KIAA1217: variants seen among roughly 807,000 people sequenced by gnomAD.
The protein encoded by KIAA1217 is sickle tail protein homolog.
Under a neutral mutation model 163.9 loss-of-function variants are expected in KIAA1217, and 88 were observed. The observed-to-expected ratio is 0.54, with a 90% CI of 0.45 to 0.64. The LOEUF is 0.64. Among genes scored for constraint, KIAA1217 ranks in the 30% least tolerant of loss-of-function variants. KIAA1217 has a pLI of 0.00. For missense variants in KIAA1217, 2,372 were observed against 2,475.0 expected (o/e 0.96, Z 0.88); for synonymous variants, 903 against 923.1 (o/e 0.98, Z 0.39).
chr10:24,484,853 C>T (rs1461472041), intron 6 of KIAA1217, among the ~76,000 whole-genome samples: 6 of 152,164 alleles, frequency 3.9e-5, no homozygotes, highest in East Asian at 1.9e-4. Flanking sequence ...GCCAGCCCTT[C>T]GGATCTGAGG....
rs1487177023 is a variant in KIAA1217 at position 23,930,938 on chromosome 10, T to C, written c.-320-76287T>C. 3.3e-5 allele frequency among the ~76,000 whole-genome samples: 5 copies of C among 152,186 alleles called. No individual in the cohort carries two copies. The East Asian group carries it at 5.8e-4, about 18-fold the overall frequency. ...GGTCTCCTGAAGATACACCCAATTA[T>C]ACAGGAGTTCTAGTTCATTGTCTTT... On this transcript the variant is annotated intron_variant, in intron 1 of 18. Transcript: ENST00000376462.
intron 2 of KIAA1217, among the ~76,000 whole-genome samples, chr10:24,364,274 C>T (rs2050449292): frequency 1.3e-5 from 2 of 152,186 alleles, no homozygotes; most frequent in Non-Finnish European, 2.9e-5. Flanking sequence ...CCACCGCACC[C>T]AGCCACCCGC....
At chr10:24,360,380 G>GTTA (rs987630080) in intron 2 of KIAA1217, among the ~76,000 whole-genome samples, 17 of 152,114 alleles carry the variant, frequency 1.1e-4, no homozygotes, top group African/African-American at 4.1e-4. Flanking sequence ...GTTTGGTCTT[G>GTTA]TTATATTCTT....
intron 2 of KIAA1217, among the ~76,000 whole-genome samples, chr10:24,069,771 C>T (rs2061112090): frequency 6.6e-6 from 1 of 152,170 alleles, no homozygotes; most frequent in African/African-American, 2.4e-5. Flanking sequence ...AAGTCCATTG[C>T]TTCCTATACT....
chr10:24,237,612 T>C (rs2072468673), intron 2 of KIAA1217, among the ~76,000 whole-genome samples: 1 of 152,186 alleles, frequency 6.6e-6, no homozygotes, highest in Admixed American at 6.5e-5. Flanking sequence ...TAATGGAACT[T>C]TGAAGAATAA....
intron 2 of KIAA1217, among the ~76,000 whole-genome samples, chr10:24,015,582 C>T (rs111858128): frequency 6.7e-4 from 101 of 151,786 alleles, no homozygotes; most frequent in South Asian, 4.8e-3. Context: ...GTGGTAAAAC[C>T]GCATCTCTAC....
intron 2 of KIAA1217, among the ~76,000 whole-genome samples, chr10:24,153,902 C>A (rs996679172): frequency 6.6e-6 from 1 of 151,912 alleles, no homozygotes; most frequent in Non-Finnish European, 1.5e-5. Context: ...TCACTTGAGC[C>A]CAGGAGTTCA....
intron 1 of KIAA1217, among the ~76,000 whole-genome samples, chr10:23,769,604 T>C (rs1169864799): frequency 6.6e-6 from 1 of 152,232 alleles, no homozygotes; most frequent in Non-Finnish European, 1.5e-5. Context: ...GTTCAGCCGA[T>C]GTCCAGGAAT....
intron 1 of KIAA1217, among the ~76,000 whole-genome samples, chr10:23,787,551 G>A (rs1052877637): frequency 3.9e-5 from 6 of 152,142 alleles, no homozygotes; most frequent in Admixed American, 3.3e-4. Context: ...GGAAGGAGGG[G>A]TTGGAGGTGA....
intron 1 of KIAA1217, among the ~76,000 whole-genome samples, chr10:23,787,364 C>T (rs188550997): frequency 5.8e-4 from 88 of 152,238 alleles, no homozygotes; most frequent in Admixed American, 3.6e-3. Context: ...GGGTATATAA[C>T]GGTACAGAAG....
At chr10:24,209,065 T>C (rs540300388), upstream of KIAA1217, 42 of 695,660 alleles carry the variant, frequency 6.0e-5, 1 homozygote, top group Middle Eastern at 4.0e-4. Context: ...GGAAAATAGT[T>C]TGGGGTGGGG....
intron 1 of KIAA1217, among the ~76,000 whole-genome samples, chr10:23,853,685 T>C (rs1382057333): frequency 2.6e-5 from 4 of 152,232 alleles, no homozygotes; most frequent in Non-Finnish European, 4.4e-5. Context: ...ATTGCCACAA[T>C]TTCAGAGCCT....
At chr10:24,167,284 CGTGTGTGTGTGTGTGT>C (rs35255558) in intron 2 of KIAA1217, among the ~76,000 whole-genome samples, 2 of 148,218 alleles carry the variant, frequency 1.3e-5, no homozygotes, top group African/African-American at 5.0e-5. Flanking sequence ...TGTGTATGTG[CGTGTGTGTGTGTGTGT>C]GTGTGTGTGT....
At chr10:24,178,111 A>G (rs1419849818) in intron 2 of KIAA1217, among the ~76,000 whole-genome samples, 3 of 152,232 alleles carry the variant, frequency 2.0e-5, no homozygotes, top group Non-Finnish European at 4.4e-5. Context: ...AAGTGTGCAT[A>G]TAAGAGTATG....
intron 1 of KIAA1217, among the ~76,000 whole-genome samples, chr10:23,797,480 G>A (rs1836260520): frequency 1.3e-5 from 2 of 152,088 alleles, no homozygotes; most frequent in South Asian, 4.2e-4. Flanking sequence ...TTCTCACACT[G>A]CTATAAAGAA....
chr10:23,789,685 A>G (rs541015821), intron 1 of KIAA1217, among the ~76,000 whole-genome samples: 2 of 152,150 alleles, frequency 1.3e-5, no homozygotes, highest in South Asian at 2.1e-4. Flanking sequence ...ACTGTACCTG[A>G]TATTTCAAAC....
chr10:24,354,395 C>T (rs2048823752), intron 2 of KIAA1217, among the ~76,000 whole-genome samples: 2 of 152,120 alleles, frequency 1.3e-5, no homozygotes, highest in Non-Finnish European at 2.9e-5. Flanking sequence ...GACTCTGGCC[C>T]CACAGTAGCA....
intron 2 of KIAA1217, among the ~76,000 whole-genome samples, chr10:24,167,935 A>G (rs950836460): frequency 2.0e-5 from 3 of 152,182 alleles, no homozygotes; most frequent in Non-Finnish European, 4.4e-5. Flanking sequence ...TCACTTTTAT[A>G]ACAAACCCAA....
chr10:24,400,588 A>G (rs577998243), intron 3 of KIAA1217, among the ~76,000 whole-genome samples: 2 of 152,328 alleles, frequency 1.3e-5, no homozygotes, highest in African/African-American at 4.8e-5. Flanking sequence ...AGGAAGTGCA[A>G]TCCAACAATG....
Sources: allele counts gnomAD v4.1 joint callset (sites outside exome capture counted in the v4.1 genomes callset), GRCh38; gene constraint gnomAD v4.1.1; transcripts MANE v1.5; gene names NCBI Gene and HGNC (gene_info 2026-07-23, HGNC 2026-07-21).